The following TMEM87A variants were observed in gnomAD, a reference collection of about 807,000 sequenced individuals.
TMEM87A encodes transmembrane protein 87A, also known as Golgi-pH regulating cation channel.
A neutral mutation model predicts 90.0 loss-of-function variants in TMEM87A; 50 were observed. That is an observed-to-expected ratio of 0.56 (90% CI 0.44 to 0.70). TMEM87A has a LOEUF of 0.70. Ranked by LOEUF, TMEM87A falls within the 30% of genes least tolerant of loss-of-function variation. The pLI is 0.00. For missense variants in TMEM87A, 577 were observed against 660.5 expected (o/e 0.87, Z 1.39); for synonymous variants, 226 against 226.7 (o/e 1.00, Z 0.03).
Position 42,219,972 on chromosome 15 carries a change from A to G in TMEM87A, c.1477+90T>C, listed in dbSNP as rs1465509361. On this transcript the variant is annotated intron_variant, in intron 16 of 19. Coordinates refer to ENST00000389834, the MANE Select transcript of TMEM87A (RefSeq NM_015497.5). The stretch of plus-strand genomic sequence containing the variant: ...ACCCTGACTTCATCCCACACCAAAT[A>G]TAGGAACAACACAGTTATAAAATAA... 2.4e-6 allele frequency: 3 copies of G among 1,243,610 alleles called. No individual in the cohort carries two copies. In the East Asian group the frequency reaches 7.7e-5, roughly 32 times the overall value. 77.0% of individuals were successfully genotyped at this position (1,243,610 alleles called of 1,614,324 possible). A position where few individuals can be genotyped will look rare whatever the true frequency, so the allele number is the denominator to read the frequency against.
chr15:42,226,777 T>C (rs369913019), intron 15 of TMEM87A, 29 bp downstream of exon 15: 1 of 1,592,996 alleles, frequency 6.3e-7, no homozygotes, highest in African/African-American at 1.3e-5. Context: ...CATCTCATGT[T>C]AGCAGAGTAA....
At chr15:42,236,790 C>T (rs562443504) in intron 9 of TMEM87A, among the ~76,000 whole-genome samples, 11 of 152,300 alleles carry the variant, frequency 7.2e-5, no homozygotes, top group African/African-American at 2.2e-4. Context: ...CTCGTGTACA[C>T]GCTTGTTGGC....
rs1428561596 is a variant in TMEM87A at position 42,212,185 on chromosome 15, C to G, written c.1627-436G>C. 3.3e-5 allele frequency among the ~76,000 whole-genome samples: 5 copies of G among 152,142 alleles called. 1 individual carries two copies. The South Asian group carries it at 1.0e-3, about 31-fold the overall frequency. On this transcript the variant is annotated intron_variant, in intron 19 of 19. Transcript: ENST00000389834. The stretch of plus-strand genomic sequence containing the variant: ...TTGATTTGTTATGTGTTTTTTACTA[C>G]ACTTTTTAAAAATCATGTAAAAAAT...
intron 6 of TMEM87A, among the ~76,000 whole-genome samples, chr15:42,259,583 C>T (rs2051250820): frequency 6.6e-6 from 1 of 152,116 alleles, no homozygotes. Flanking sequence ...CTGAGGTGAC[C>T]TTACCAACTG....
chr15:42,226,742 C>T lies in TMEM87A; in HGVS notation c.1403+64G>A, dbSNP rs993489146. On this transcript the variant is annotated intron_variant, in intron 15 of 19. Coordinates refer to ENST00000389834, the MANE Select transcript of TMEM87A (RefSeq NM_015497.5). The stretch of plus-strand genomic sequence containing the variant: ...ACAGCCCTGATACTGTCCCCCAATG[C>T]ACCACCCCTAATTGATGACATGGTC... 22 of 1,408,396 alleles carry T rather than the reference C, an allele frequency of 1.6e-5. No homozygotes were observed. In the Admixed American group the frequency reaches 3.5e-4, roughly 23 times the overall value. 87.2% of individuals were successfully genotyped at this position (1,408,396 alleles called of 1,614,324 possible). A position where few individuals can be genotyped will look rare whatever the true frequency, so the allele number is the denominator to read the frequency against.
intron 6 of TMEM87A, chr15:42,258,793 AT>A: frequency 6.9e-7 from 1 of 1,451,596 alleles, no homozygotes; most frequent in Non-Finnish European, 9.0e-7. Context: ...TTCAGTTAAA[AT>A]TCTGTACAAA....
chr15:42,227,508 G>GA (rs1220969053), intron 14 of TMEM87A: 6 of 472,058 alleles, frequency 1.3e-5, no homozygotes, highest in African/African-American at 3.9e-5. Context: ...AATACAGTCA[G>GA]AAAAAACAAA....
At chr15:42,263,447 A>G (rs1003015136) in intron 4 of TMEM87A, among the ~76,000 whole-genome samples, 10 of 152,152 alleles carry the variant, frequency 6.6e-5, no homozygotes, top group African/African-American at 2.4e-4. Flanking sequence ...TGGGATGATA[A>G]AAGTACTAGA....
At chr15:42,222,621 T>G (rs1266393378) in intron 15 of TMEM87A, among the ~76,000 whole-genome samples, 1 of 151,928 alleles carries the variant, frequency 6.6e-6, no homozygotes, top group Non-Finnish European at 1.5e-5. Context: ...TGCAACGGCA[T>G]GATCTCAGCT....
chr15:42,263,127 A>C (rs1401484927), intron 4 of TMEM87A, among the ~76,000 whole-genome samples: 1 of 152,266 alleles, frequency 6.6e-6, no homozygotes, highest in East Asian at 1.9e-4. Flanking sequence ...AGGAGACCAA[A>C]GAATTAAAAA....
At position 42,273,327 on chromosome 15, in the gene TMEM87A, C is replaced by G; in HGVS notation, c.72G>C (p.Leu24=). 6.2e-7 allele frequency: 1 copy of G among 1,614,162 alleles called. No individual in the cohort carries two copies. The highest frequency in any genetic ancestry group is 8.5e-7 in the Non-Finnish European group (1 of 1,180,042). ...TTGCCGGTCCCGCACTGAAAAACGA[C>G]AGTGGTGACGGGTGAGCTCCCAGAA... The part of the protein sequence containing the change: ...LLLLGAHPSP[L]SFFSAGPATV... Residue 24 remains leucine, a synonymous_variant, in exon 1 of 20, where the codon CTG becomes CTC. Transcript: ENST00000389834.
intron 3 of TMEM87A, among the ~76,000 whole-genome samples, chr15:42,264,683 G>GTGTATA (rs1449477404): frequency 8.6e-6 from 1 of 116,384 alleles, no homozygotes; most frequent in East Asian, 2.6e-4. Flanking sequence ...ATATGTGTGT[G>GTGTATA]TATATATATA....
intron 9 of TMEM87A, 74 bp downstream of exon 9, chr15:42,237,358 G>A (rs1212357561): frequency 6.8e-7 from 1 of 1,470,646 alleles, no homozygotes; most frequent in Non-Finnish European, 9.3e-7. Flanking sequence ...TGTAGTGACT[G>A]CTGACCTTAG....
intron 19 of TMEM87A, among the ~76,000 whole-genome samples, chr15:42,214,277 G>A (rs2050344905): frequency 6.6e-6 from 1 of 151,768 alleles, no homozygotes; most frequent in South Asian, 2.1e-4. Context: ...CTTCTTAAAC[G>A]CTTTCAAAAA....
intron 8 of TMEM87A, 78 bp from the exon 9 acceptor site, chr15:42,237,693 A>AAT: frequency 2.0e-6 from 2 of 976,434 alleles, no homozygotes; most frequent in East Asian, 3.4e-5. Flanking sequence ...ATCAATATAT[A>AAT]CTTTTTTTTT....
intron 7 of TMEM87A, among the ~76,000 whole-genome samples, chr15:42,241,552 T>C (rs962599350): frequency 3.3e-5 from 5 of 152,216 alleles, no homozygotes; most frequent in African/African-American, 1.2e-4. Context: ...AAGAGTTTTA[T>C]AAACCTTGCT....
chr15:42,220,036 T>C (rs750987113), intron 16 of TMEM87A, 26 bp downstream of exon 16: 1 of 1,549,840 alleles, frequency 6.5e-7, no homozygotes, highest in South Asian at 1.2e-5. Flanking sequence ...TTTAAAGTAC[T>C]AATAAGAGGT....
chr15:42,234,517 A>G (rs563785871), intron 10 of TMEM87A, among the ~76,000 whole-genome samples: 104 of 152,356 alleles, frequency 6.8e-4, no homozygotes, highest in African/African-American at 1.9e-3. Context: ...TGTTAAATAA[A>G]TAAGTTTTAA....
At chr15:42,225,449 T>C (rs948650308) in intron 15 of TMEM87A, among the ~76,000 whole-genome samples, 1 of 152,218 alleles carries the variant, frequency 6.6e-6, no homozygotes, top group Non-Finnish European at 1.5e-5. Context: ...TTTCTATCAT[T>C]ACAAAGTGAG....
Sources: allele counts gnomAD v4.1 joint callset (sites outside exome capture counted in the v4.1 genomes callset), GRCh38; gene constraint gnomAD v4.1.1; transcripts MANE v1.5; gene names NCBI Gene and HGNC (gene_info 2026-07-23, HGNC 2026-07-21).